ITGAM: variants seen among roughly 807,000 people sequenced by gnomAD.
The protein encoded by ITGAM is integrin subunit alpha M, also known as integrin alpha-M.
In ITGAM, 79 loss-of-function variants were observed where a neutral mutation model predicts 137.5. The observed-to-expected ratio is 0.57, with a 90% CI of 0.48 to 0.69. ITGAM has a LOEUF of 0.69. Among genes scored for constraint, ITGAM ranks in the 30% least tolerant of loss-of-function variants. ITGAM has a pLI of 0.00. For missense variants in ITGAM, 1,343 were observed against 1,483.5 expected (o/e 0.91, Z 1.56); for synonymous variants, 583 against 592.3 (o/e 0.98, Z 0.23).
intron 5 of ITGAM, among the ~76,000 whole-genome samples, chr16:31,268,923 G>A (rs932528420): frequency 6.6e-6 from 1 of 152,166 alleles, no homozygotes; most frequent in Non-Finnish European, 1.5e-5. Context: ...CTTGCTTGCT[G>A]CCTAGACAGA....
rs542963808 is a variant in ITGAM at position 31,300,786 on chromosome 16, C to T, written c.1707+2832C>T. Among the ~76,000 whole-genome samples, 11 of 152,194 alleles carry T rather than the reference C, an allele frequency of 7.2e-5. No individual in the cohort carries two copies. The East Asian group carries it at 9.7e-4, about 13-fold the overall frequency. On this transcript the variant is annotated intron_variant, in intron 14 of 29. Coordinates refer to ENST00000544665, the MANE Select transcript of ITGAM (RefSeq NM_000632.4). ...ATTAGCCGGGCTGTGGTGGTGCATG[C>T]CTGTAATCCCAGCTATTCCAGAGGC...
intron 12 of ITGAM, among the ~76,000 whole-genome samples, chr16:31,297,108 C>A (rs997468303): frequency 6.6e-6 from 1 of 152,124 alleles, no homozygotes; most frequent in African/African-American, 2.4e-5. Context: ...TGGAGTAAAT[C>A]CTCACTCACT....
At chr16:31,310,803 G>GT (rs1267445998) in intron 14 of ITGAM, among the ~76,000 whole-genome samples, 1 of 152,092 alleles carries the variant, frequency 6.6e-6, no homozygotes, top group African/African-American at 2.4e-5. Context: ...TTTCTGCTCT[G>GT]TTTTTTCCCC....
In ITGAM at chr16:31,329,925, A is replaced by G. The variant is rs1268096414; in HGVS notation, c.2976+20A>G. The G allele has an allele frequency of 6.5e-7, 1 of 1,547,804 alleles. No individual in the cohort carries two copies. Among genetic ancestry groups the G allele is most frequent in the African/African-American group, 1.4e-5 (1 of 72,876 alleles). ...TCCGAGGTGAGCGGAGCTCGGCCTG[A>G]CTCCTGCACGGCCCTGCGCGTTCCT... On this transcript the variant is annotated intron_variant, in intron 25 of 29. Coordinates refer to ENST00000544665, the MANE Select transcript of ITGAM (RefSeq NM_000632.4).
At position 31,329,781 on chromosome 16, in the gene ITGAM, C is replaced by T. The variant is rs781754762; in HGVS notation, c.2869-17C>T. ...GGGAGGAAGGCCAGAGCCCTGACCC[C>T]GCCCTCCCCGGTGCAGGTCAGCAAC... On this transcript the variant is annotated splice_polypyrimidine_tract_variant and intron_variant, in intron 24 of 29. Coordinates refer to ENST00000544665, the MANE Select transcript of ITGAM (RefSeq NM_000632.4). The T allele has an allele frequency of 6.5e-6, 10 of 1,545,218 alleles. No individual in the cohort carries two copies. The South Asian group carries it at 8.4e-5, about 13-fold the overall frequency.
At chr16:31,272,129 G>A in intron 7 of ITGAM, 137 bp downstream of exon 7, 1 of 1,002,928 alleles carries the variant, frequency 1.0e-6, no homozygotes, top group Non-Finnish European at 1.5e-6. Context: ...GCTGTGCGTG[G>A]TGTGTTCATC....
chr16:31,296,406 T>A (rs779263330), intron 12 of ITGAM, among the ~76,000 whole-genome samples: 3 of 152,022 alleles, frequency 2.0e-5, no homozygotes, highest in Admixed American at 6.6e-5. Context: ...AGCCACTGCA[T>A]CTGGCCGGTT....
chr16:31,260,521 T>G (rs189294922), intron 1 of ITGAM, among the ~76,000 whole-genome samples: 1 of 152,348 alleles, frequency 6.6e-6, no homozygotes, highest in East Asian at 1.9e-4. Flanking sequence ...TGAAAATGAT[T>G]TGAGTTTGTT....
chr16:31,260,691 T>A (rs1214942113), intron 1 of ITGAM, among the ~76,000 whole-genome samples: 1 of 152,148 alleles, frequency 6.6e-6, no homozygotes, highest in Non-Finnish European at 1.5e-5. Flanking sequence ...GCCATTTAGG[T>A]GCTCAGAAGG....
At chr16:31,280,562 G>A (rs113834051) in intron 12 of ITGAM, among the ~76,000 whole-genome samples, 2 of 152,334 alleles carry the variant, frequency 1.3e-5, no homozygotes, top group African/African-American at 4.8e-5. Flanking sequence ...GTATAGGAAT[G>A]CTTGTGATTT....
rs532257605 is a variant in ITGAM, at chr16:31,294,570, C to T, written c.1357-2944C>T. Among the ~76,000 whole-genome samples the T allele has an allele frequency of 2.1e-3, 318 of 152,138 alleles. 4 individuals carry two copies. Among genetic ancestry groups the T allele is most frequent in the African/African-American group, 6.7e-3 (280 of 41,502 alleles). ...CATATGTTGAACCAACTTTGCACCC[C>T]GGGAATGAAGCCTACCTGATCATGG... On this transcript the variant is annotated intron_variant, in intron 12 of 29. Coordinates refer to ENST00000544665, the MANE Select transcript of ITGAM (RefSeq NM_000632.4).
At chr16:31,285,825 G>A (rs8060163) in intron 12 of ITGAM, among the ~76,000 whole-genome samples, 1 of 149,250 alleles carries the variant, frequency 6.7e-6, no homozygotes, top group Admixed American at 6.7e-5. Flanking sequence ...TAGAGACAGG[G>A]TCTCACTATG....
At chr16:31,310,979 G>C (rs935579043) in intron 14 of ITGAM, among the ~76,000 whole-genome samples, 2 of 152,048 alleles carry the variant, frequency 1.3e-5, no homozygotes, top group Non-Finnish European at 2.9e-5. Flanking sequence ...AAATAGTGCC[G>C]CATATCTACA....
chr16:31,268,293 A>G (rs1001343246), intron 5 of ITGAM, among the ~76,000 whole-genome samples: 2 of 152,072 alleles, frequency 1.3e-5, no homozygotes, highest in African/African-American at 4.8e-5. Flanking sequence ...CCCTCTTTAG[A>G]CCTCACTCTC....
At chr16:31,284,223 A>G (rs11861258) in intron 12 of ITGAM, among the ~76,000 whole-genome samples, 144,719 of 152,228 alleles carry the variant, frequency 0.95, 68,874 homozygotes, top group East Asian at 1. Context: ...TCCAAGCTGC[A>G]TGCTGGGAGA....
chr16:31,275,832 TC>T, intron 9 of ITGAM, 133 bp downstream of exon 9: 1 of 762,682 alleles, frequency 1.3e-6, no homozygotes, highest in Non-Finnish European at 2.1e-6. Context: ...TTCCTACAGC[TC>T]CCAGTCCCAG....
In ITGAM at chr16:31,266,157, C is replaced by T. The variant is rs370869873; in HGVS notation, c.427+10C>T. 1.6e-5 allele frequency: 26 copies of T among 1,593,440 alleles called. No homozygotes were observed. Among genetic ancestry groups the T allele is most frequent in the Non-Finnish European group, 2.2e-5 (25 of 1,162,090 alleles). ...CCAGAGGCCCTCCGAGGTGGGTTGC[C>T]TTTGGCAGAGGGAACAGATGCGCAG... On this transcript the variant is annotated intron_variant, in intron 5 of 29. Coordinates refer to ENST00000544665, the MANE Select transcript of ITGAM (RefSeq NM_000632.4).
intron 12 of ITGAM, among the ~76,000 whole-genome samples, chr16:31,279,025 A>G (rs1013445073): frequency 6.6e-6 from 1 of 152,128 alleles, no homozygotes; most frequent in African/African-American, 2.4e-5. Context: ...GCTCAGAATG[A>G]TGGTTTCCAG....
At chr16:31,304,552 GT>G (rs2080247144) in intron 14 of ITGAM, among the ~76,000 whole-genome samples, 1 of 152,116 alleles carries the variant, frequency 6.6e-6, no homozygotes, top group South Asian at 2.1e-4. Context: ...GTCCAGAAGA[GT>G]TTTTCCAATG....
Sources: allele counts gnomAD v4.1 joint callset (sites outside exome capture counted in the v4.1 genomes callset), GRCh38; gene constraint gnomAD v4.1.1; transcripts MANE v1.5; gene names NCBI Gene and HGNC (gene_info 2026-07-23, HGNC 2026-07-21).